CHST9: variants seen among roughly 807,000 people sequenced by gnomAD.
The protein encoded by CHST9 is GalNAc-4-sulfotransferase 2.
A neutral mutation model predicts 44.4 loss-of-function variants in CHST9; 41 were observed. The observed-to-expected ratio is 0.92, with a 90% CI of 0.72 to 1.20. The LOEUF (loss-of-function observed/expected upper bound fraction) is 1.20. CHST9 is among the 50% of genes most tolerant of loss of function. The pLI is 0.00. For missense variants in CHST9, 504 were observed against 516.5 expected, an observed-to-expected ratio of 0.98 and a Z score of 0.23; for synonymous variants, 171 against 178.4, an observed-to-expected ratio of 0.96 and a Z score of 0.33.
intron 4 of CHST9, among the ~76,000 whole-genome samples, chr18:26,972,534 C>CAAGGA (rs71266960): frequency 0.34 from 52,157 of 151,494 alleles, 9,564 homozygotes; most frequent in East Asian, 0.46. Flanking sequence ...GTTTAGGCAG[C>CAAGGA]AAGGAAGCCA....
chr18:27,144,306 G>A (rs1254217113), intron 1 of CHST9, among the ~76,000 whole-genome samples: 1 of 152,164 alleles, frequency 6.6e-6, no homozygotes, highest in Non-Finnish European at 1.5e-5. Flanking sequence ...GTGTTTTATG[G>A]GGTGCCAGTT....
At chr18:26,970,781 G>A (rs2056532203) in intron 4 of CHST9, among the ~76,000 whole-genome samples, 1 of 152,108 alleles carries the variant, frequency 6.6e-6, no homozygotes, top group Admixed American at 6.5e-5. Flanking sequence ...TGAAGCATGG[G>A]GAAGTTAACT....
At chr18:27,042,384 G>C (rs1467894782) in intron 3 of CHST9, among the ~76,000 whole-genome samples, 1 of 152,050 alleles carries the variant, frequency 6.6e-6, no homozygotes, top group East Asian at 1.9e-4. Context: ...ATGAACCCTG[G>C]TTTGTAGTGT....
At chr18:27,093,241 C>G (rs1181929476) in intron 2 of CHST9, among the ~76,000 whole-genome samples, 2 of 152,212 alleles carry the variant, frequency 1.3e-5, no homozygotes, top group Non-Finnish European at 2.9e-5. Context: ...ATTCTCAGAG[C>G]TCAAACACTG....
intron 1 of CHST9, among the ~76,000 whole-genome samples, chr18:27,180,348 C>T (rs1369786548): frequency 6.6e-6 from 1 of 152,090 alleles, no homozygotes; most frequent in African/African-American, 2.4e-5. Flanking sequence ...TTAAAAATTA[C>T]AACTATATTC....
chr18:27,024,125 G>A lies in CHST9; in HGVS notation c.193C>T (p.Pro65Ser), dbSNP rs777491961. ...TGAGGAAGTTACTCACTGATTCTGG[G>A]TACAGGCCGCAAGTACTTCACTGGT... ...WGPVKYLRPVPRIMSTEKIQE... is the reference protein window; with the variant it reads ...WGPVKYLRPVSRIMSTEKIQE... The change falls in exon 4 of 6, where the codon CCC (proline) becomes TCC (serine). Residue 65 changes from proline (P) to serine (S), a missense_variant. Coordinates refer to ENST00000618847, the MANE Select transcript of CHST9 (RefSeq NM_031422.6). 6.2e-6 allele frequency: 10 copies of A among 1,612,134 alleles called. No individual in the cohort carries two copies. The East Asian group carries it at 2.2e-4, about 36-fold the overall frequency.
chr18:27,178,198 T>C (rs2058883453), intron 1 of CHST9, among the ~76,000 whole-genome samples: 7 of 151,992 alleles, frequency 4.6e-5, no homozygotes, highest in Admixed American at 4.6e-4. Flanking sequence ...TCGGAAAAGC[T>C]GCCTCTCTTG....
chr18:27,010,348 C>T (rs904893629), intron 4 of CHST9, among the ~76,000 whole-genome samples: 1 of 152,140 alleles, frequency 6.6e-6, no homozygotes, highest in African/African-American at 2.4e-5. Context: ...CCTCCTCTCC[C>T]TGTGTTCTTG....
At chr18:26,956,157 T>A (rs1181399475) in intron 4 of CHST9, among the ~76,000 whole-genome samples, 1 of 151,008 alleles carries the variant, frequency 6.6e-6, no homozygotes. Context: ...CTGTCTCTAC[T>A]AAAAATTAGC....
chr18:27,049,373 C>G (rs1030790560), intron 2 of CHST9, among the ~76,000 whole-genome samples: 28 of 151,988 alleles, frequency 1.8e-4, no homozygotes, highest in Admixed American at 1.8e-3. Flanking sequence ...TGTGATGAGG[C>G]TGGGAATAAC....
intron 5 of CHST9, among the ~76,000 whole-genome samples, chr18:26,938,067 A>G (rs2056024802): frequency 1.4e-5 from 2 of 146,836 alleles, no homozygotes; most frequent in African/African-American, 4.9e-5. Context: ...TAGTTCTCAC[A>G]GTGTTTATTC....
intron 3 of CHST9, among the ~76,000 whole-genome samples, chr18:27,034,143 T>C (rs1375238341): frequency 1.3e-5 from 2 of 152,236 alleles, no homozygotes; most frequent in Non-Finnish European, 2.9e-5. Flanking sequence ...AAATCTCCTT[T>C]TATCCTCAGC....
Position 27,148,357 on chromosome 18 carries a change from T to C in CHST9, c.-96-5452A>G, listed in dbSNP as rs558123687. Among the ~76,000 whole-genome samples the C allele has an allele frequency of 1.1e-4, 16 of 151,804 alleles. 1 individual carries two copies. The East Asian group carries it at 3.1e-3, about 29-fold the overall frequency. ...GTGCCATGTTGGTGTGCTGCACCCA[T>C]TAACTCGTCATTTAGCATTAGGTGT... On this transcript the variant is annotated intron_variant, in intron 1 of 5. Coordinates refer to ENST00000618847, the MANE Select transcript of CHST9 (RefSeq NM_031422.6).
chr18:27,150,732 T>C (rs1042325864), intron 1 of CHST9, among the ~76,000 whole-genome samples: 9 of 152,190 alleles, frequency 5.9e-5, no homozygotes, highest in Admixed American at 5.9e-4. Flanking sequence ...ATGTAACTTT[T>C]CAATCCTAGT....
chr18:27,052,333 T>C (rs2057578525), intron 2 of CHST9, among the ~76,000 whole-genome samples: 1 of 150,448 alleles, frequency 6.6e-6, no homozygotes, highest in Non-Finnish European at 1.5e-5. Context: ...TATATATGTG[T>C]GTATATATAT....
chr18:26,959,984 G>A (rs1461718008), intron 4 of CHST9, among the ~76,000 whole-genome samples: 1 of 152,092 alleles, frequency 6.6e-6, no homozygotes, highest in Non-Finnish European at 1.5e-5. Flanking sequence ...TAAAAGAGGA[G>A]CAAGATTTTA....
chr18:27,094,113 G>A (rs564893775), intron 2 of CHST9, among the ~76,000 whole-genome samples: 11 of 152,140 alleles, frequency 7.2e-5, no homozygotes, highest in African/African-American at 2.7e-4. Flanking sequence ...ACTTTTATTT[G>A]TGTCTTTTAT....
chr18:27,095,894 G>A (rs1115811), intron 2 of CHST9, among the ~76,000 whole-genome samples: 49,036 of 151,814 alleles, frequency 0.32, 8,619 homozygotes, highest in Non-Finnish European at 0.4. Flanking sequence ...GAACACCAAC[G>A]AAGAAATTCT....
chr18:26,940,641 A>C (rs1402581571), intron 5 of CHST9, among the ~76,000 whole-genome samples: 1 of 152,114 alleles, frequency 6.6e-6, no homozygotes, highest in African/African-American at 2.4e-5. Flanking sequence ...GCTGGTTGGG[A>C]GAGGTCAACA....
Sources: allele counts gnomAD v4.1 joint callset (sites outside exome capture counted in the v4.1 genomes callset), GRCh38; gene constraint gnomAD v4.1.1; transcripts MANE v1.5; gene names NCBI Gene and HGNC (gene_info 2026-07-23, HGNC 2026-07-21).